Variants in RBPJ observed in about 807,000 individuals in gnomAD.
The protein encoded by RBPJ is recombination signal binding protein for immunoglobulin kappa J region.
In RBPJ, 9 loss-of-function variants were observed where a neutral mutation model predicts 67.8. The observed-to-expected ratio is 0.13, with a 90% CI of 0.08 to 0.23. The LOEUF (loss-of-function observed/expected upper bound fraction) is 0.23, where lower values mean the gene tolerates loss of function less well. RBPJ is among the 10% of genes least tolerant of loss of function. The pLI is 1.00. For synonymous variants in RBPJ, 198 were observed against 203.3 expected (o/e 0.97, Z 0.22); for missense variants, 305 against 595.6 (o/e 0.51, Z 5.08).
At chr4:26,176,932 G>T (rs1716813259) in intron 1 of RBPJ, among the ~76,000 whole-genome samples, 1 of 152,240 alleles carries the variant, frequency 6.6e-6, no homozygotes. Context: ...TGCAGAAGCT[G>T]CAGTCATAGG....
upstream of RBPJ, among the ~76,000 whole-genome samples, chr4:26,160,394 CA>C (rs1257341533): frequency 1.3e-5 from 2 of 152,184 alleles, no homozygotes; most frequent in African/African-American, 4.8e-5. Flanking sequence ...CAAAATGCAT[CA>C]GGGGAGGACA....
At chr4:26,321,794 C>A (rs1201084734) in intron 1 of RBPJ, 1 of 152,376 alleles carries the variant, frequency 6.6e-6, no homozygotes, top group Non-Finnish European at 1.5e-5. Flanking sequence ...TTATCCACAA[C>A]CCACGGTGTA....
At chr4:26,258,867 G>T (rs1172462464) in intron 1 of RBPJ, among the ~76,000 whole-genome samples, 1 of 151,814 alleles carries the variant, frequency 6.6e-6, no homozygotes, top group Non-Finnish European at 1.5e-5. Flanking sequence ...GCAGTGGTGC[G>T]ATCTTGGCTC....
intron 1 of RBPJ, among the ~76,000 whole-genome samples, chr4:26,337,014 C>T (rs759713217): frequency 7.9e-5 from 12 of 152,076 alleles, no homozygotes; most frequent in South Asian, 2.1e-4. Context: ...GTCGCTCTGT[C>T]GCCCATGGGC....
chr4:26,204,094 G>GGGTC (rs1302723722), intron 1 of RBPJ, among the ~76,000 whole-genome samples: 4 of 152,082 alleles, frequency 2.6e-5, no homozygotes, highest in Non-Finnish European at 5.9e-5. Flanking sequence ...ACAGGTGCGT[G>GGGTC]CCACCATGCC....
intron 3 of RBPJ, among the ~76,000 whole-genome samples, chr4:26,413,995 A>G (rs917416785): frequency 6.6e-6 from 1 of 152,146 alleles, no homozygotes; most frequent in African/African-American, 2.4e-5. Flanking sequence ...GTGGGTATAT[A>G]TACACTAGTG....
At chr4:26,380,683 T>C (rs916039079) in intron 1 of RBPJ, among the ~76,000 whole-genome samples, 3 of 152,048 alleles carry the variant, frequency 2.0e-5, no homozygotes, top group African/African-American at 7.2e-5. Context: ...TCCCAGTACT[T>C]TTGAGCTGCC....
rs1386322350 is a variant in RBPJ, at chr4:26,431,070, G to A, written c.*63G>A. 3 of 1,422,458 alleles carry A rather than the reference G, an allele frequency of 2.1e-6. No homozygotes were observed. The highest frequency in any genetic ancestry group is 3.8e-5 in the Admixed American group (2 of 52,406). 88.1% of individuals were successfully genotyped at this position (1,422,458 alleles called of 1,614,324 possible). On this transcript the variant is annotated 3_prime_UTR_variant, in exon 11 of 11. Transcript: ENST00000355476. ...GTGGCAAAAAGTTAACAAAAAAGGA[G>A]AAAAAATGAACAATCGTTTGTGGTT... is the stretch of plus-strand genomic sequence containing the variant.
Position 26,415,622 on chromosome 4 carries a change from G to C in RBPJ, c.303G>C (p.Gln101His). The C allele has an allele frequency of 2.5e-6, 4 of 1,609,198 alleles. No homozygotes were observed. Among genetic ancestry groups the C allele is most frequent in the Non-Finnish European group, 2.5e-6 (3 of 1,178,538 alleles). ...GAAATAGTGACCAAGAAATGCAGCA[G>C]CTAAACTTGGAAGGAAAGGTAAATC... ...GIGNSDQEMQ[Q>H]LNLEGKNYCT... is the part of the protein sequence containing the mutation. Residue 101 changes from glutamine to histidine, a missense_variant, in exon 4 of 11, where the codon CAG becomes CAC. Transcript: ENST00000355476.
At chr4:26,418,798 C>T (rs762637437) in intron 4 of RBPJ, among the ~76,000 whole-genome samples, 17 of 152,110 alleles carry the variant, frequency 1.1e-4, no homozygotes, top group Non-Finnish European at 1.6e-4. Flanking sequence ...TCATAGACCT[C>T]GTCTTATGTT....
upstream of RBPJ, among the ~76,000 whole-genome samples, chr4:26,316,635 GAT>G (rs536110250): frequency 2.3e-5 from 3 of 131,588 alleles, no homozygotes; most frequent in African/African-American, 5.7e-5. Flanking sequence ...TACACATATT[GAT>G]ATATATATAC....
At chr4:26,124,851 C>T in the RBPJ span, among the ~76,000 whole-genome samples, 1 of 152,180 alleles carries the variant, frequency 6.6e-6, no homozygotes, top group Non-Finnish European at 1.5e-5. Flanking sequence ...TTCACATAAT[C>T]TTATGGGACC....
chr4:26,354,453 T>G (rs1342431971), intron 1 of RBPJ, among the ~76,000 whole-genome samples: 280 of 20,092 alleles, frequency 0.014, 1 homozygote, highest in African/African-American at 0.035. Context: ...AGATTTCTGT[T>G]TTTTTTTTTT....
chr4:26,366,040 C>A (rs562160146), intron 1 of RBPJ, among the ~76,000 whole-genome samples: 6 of 152,304 alleles, frequency 3.9e-5, no homozygotes, highest in South Asian at 2.1e-4. Context: ...CCCCCTACCC[C>A]CTAATGAAAC....
intron 1 of RBPJ, among the ~76,000 whole-genome samples, chr4:26,363,355 G>T (rs751476215): frequency 6.6e-6 from 1 of 152,200 alleles, no homozygotes; most frequent in Non-Finnish European, 1.5e-5. Flanking sequence ...GGCCAGGCCG[G>T]TCTCGAACTC....
intron 1 of RBPJ, among the ~76,000 whole-genome samples, chr4:26,285,519 CA>C (rs1695142372): frequency 6.6e-6 from 1 of 151,628 alleles, no homozygotes. Flanking sequence ...CTCTCTGCCT[CA>C]AAATTTTAAT....
intron 1 of RBPJ, among the ~76,000 whole-genome samples, chr4:26,178,801 C>T (rs1471586199): frequency 1.3e-5 from 2 of 151,080 alleles, no homozygotes; most frequent in East Asian, 2.0e-4. Flanking sequence ...AAAACCGTTG[C>T]TTGCTGATTT....
intron 1 of RBPJ, among the ~76,000 whole-genome samples, chr4:26,347,108 G>A (rs7695991): frequency 0.082 from 12,547 of 152,252 alleles, 536 homozygotes; most frequent in South Asian, 0.13. Flanking sequence ...TGGCCTTGAG[G>A]TAAAAGGCAC....
At chr4:26,235,921 G>A (rs1262033343) in intron 1 of RBPJ, among the ~76,000 whole-genome samples, 1 of 152,166 alleles carries the variant, frequency 6.6e-6, no homozygotes, top group East Asian at 1.9e-4. Flanking sequence ...TGGAAGGGAA[G>A]GGAACTTCCA....
Sources: allele counts gnomAD v4.1 joint callset (sites outside exome capture counted in the v4.1 genomes callset), GRCh38; gene constraint gnomAD v4.1.1; transcripts MANE v1.5; gene names NCBI Gene and HGNC (gene_info 2026-07-23, HGNC 2026-07-21).